Variants in USP43 observed in about 807,000 individuals in gnomAD.
USP43 encodes ubiquitin carboxyl-terminal hydrolase 43.
A neutral mutation model predicts 90.7 loss-of-function variants in USP43; 33 were observed. The observed-to-expected ratio is 0.36, with a 90% CI of 0.28 to 0.49. The LOEUF is 0.49. Ranked by LOEUF, USP43 falls within the 20% of genes least tolerant of loss-of-function variation. The pLI is 0.98. For missense variants in USP43, 1,274 were observed against 1,476.4 expected (o/e 0.86, Z 2.25); for synonymous variants, 598 against 615.8 (o/e 0.97, Z 0.43).
chr17:9,681,745 C>T (rs1301469116), intron 6 of USP43, among the ~76,000 whole-genome samples: 2 of 151,748 alleles, frequency 1.3e-5, no homozygotes, highest in African/African-American at 4.8e-5. Flanking sequence ...CCACCTGCCT[C>T]AGCCTCCGAA....
chr17:9,677,716 A>T (rs1247283588), intron 5 of USP43, among the ~76,000 whole-genome samples: 2 of 152,220 alleles, frequency 1.3e-5, no homozygotes, highest in African/African-American at 4.8e-5. Context: ...TGACATGGAA[A>T]TTGACACTTC....
At chr17:9,694,494 G>A (rs1221623998) in intron 9 of USP43, among the ~76,000 whole-genome samples, 3 of 152,166 alleles carry the variant, frequency 2.0e-5, no homozygotes, top group Admixed American at 6.5e-5. Context: ...AAGCACTTAC[G>A]AATGTTAAAG....
intron 13 of USP43, among the ~76,000 whole-genome samples, chr17:9,711,705 A>G (rs1271077286): frequency 1.3e-5 from 2 of 152,218 alleles, no homozygotes; most frequent in Non-Finnish European, 2.9e-5. Context: ...TGCTGGCATT[A>G]CAGGCGTGAG....
chr17:9,675,608 C>T (rs2151972747), intron 4 of USP43, among the ~76,000 whole-genome samples: 1 of 152,212 alleles, frequency 6.6e-6, no homozygotes, highest in South Asian at 2.1e-4. Context: ...GGTATTTCCT[C>T]TTTATGTTCC....
intron 3 of USP43, among the ~76,000 whole-genome samples, chr17:9,667,836 A>T (rs9896782): frequency 0.019 from 2,845 of 152,196 alleles, 74 homozygotes; most frequent in African/African-American, 0.056. Context: ...AATATATATA[A>T]TCATGCGTTT....
At chr17:9,694,245 G>T (rs561188252) in intron 9 of USP43, among the ~76,000 whole-genome samples, 2 of 152,182 alleles carry the variant, frequency 1.3e-5, no homozygotes, top group Admixed American at 1.3e-4. Context: ...CAGGAACCAG[G>T]GTAGCAGGTG....
At position 9,701,603 on chromosome 17, in the gene USP43, G is replaced by A. The variant is rs1915575231; in HGVS notation, c.1914G>A (p.Gln638=). 6.3e-7 allele frequency: 1 copy of A among 1,581,220 alleles called. No homozygotes were observed. The highest frequency in any genetic ancestry group is 1.3e-5 in the African/African-American group (1 of 74,350). Residue 638 remains glutamine (Q), a synonymous_variant, in exon 12 of 15, where the codon CAG becomes CAA. Coordinates refer to ENST00000285199, the MANE Select transcript of USP43 (RefSeq NM_153210.5). The surrounding 1 kb of genome is among the most constrained non-coding windows in gnomAD (Gnocchi z 7.2). ...TGGGCCCCTGGCCTTCCTGGAAGCA[G>A]CCGGACTGCCTGCCCACCAGTTACC... ...AGLGPWPSWK[Q]PDCLPTSYPL... is the part of the protein sequence containing the mutation.
chr17:9,702,503 T>C (rs1399139817), intron 12 of USP43, among the ~76,000 whole-genome samples: 2 of 152,242 alleles, frequency 1.3e-5, no homozygotes, highest in African/African-American at 4.8e-5. Flanking sequence ...GGTATCCTTT[T>C]ATTCTATGGG....
Position 9,681,462 on chromosome 17 carries a change from T to TTTTTTATATATA in USP43, c.1105+1097_1105+1098insTTTTATATATAT, listed in dbSNP as rs1491455898. On this transcript the variant is annotated intron_variant, in intron 6 of 14. Transcript: ENST00000285199. The stretch of plus-strand genomic sequence containing the variant: ...TATAGATAAATATATATAAAATATA[T>TTTTTTATATATA]TATATATATATATATATATATATAT... 3.4e-3 allele frequency among the ~76,000 whole-genome samples: 63 copies of TTTTTTATATATA among 18,572 alleles called. 1 individual carries two copies. The highest frequency in any genetic ancestry group is 0.026 in the East Asian group (7 of 274). The allele number at this position is 18,572 out of a possible 152,430, so 12.2% of individuals were successfully genotyped here. A position where few individuals can be genotyped will look rare whatever the true frequency, so the allele number is the denominator to read the frequency against.
At chr17:9,654,722 C>A (rs927527579) in intron 1 of USP43, among the ~76,000 whole-genome samples, 1 of 150,708 alleles carries the variant, frequency 6.6e-6, no homozygotes, top group Non-Finnish European at 1.5e-5. Flanking sequence ...TTGTCTCATC[C>A]TAAAATCTCC....
intron 4 of USP43, among the ~76,000 whole-genome samples, chr17:9,675,446 G>A (rs369107024): frequency 6.6e-5 from 10 of 152,304 alleles, no homozygotes; most frequent in Admixed American, 5.9e-4. Context: ...AAAGAAAAGT[G>A]GAGGTAGGGC....
intron 12 of USP43, among the ~76,000 whole-genome samples, chr17:9,703,512 G>A (rs896531196): frequency 3.9e-5 from 6 of 152,214 alleles, no homozygotes; most frequent in African/African-American, 1.2e-4. Context: ...TTCCTGGAAG[G>A]TTCCCCTTGC....
Position 9,674,922 on chromosome 17 carries a change from CAG to C in USP43, c.775_776del (p.Ser259GlnfsTer4). ...CTTGACTTGTCCCCACTGCCTGAAACAGAGCAACACCTTTGATCCTTTCCTGT... is the reference window on the plus strand; with the variant it reads ...CTTGACTTGTCCCCACTGCCTGAAACAGCAACACCTTTGATCCTTTCCTGT... The part of the protein sequence containing the change: ...SSLTCPHCLK[Q>X]SNTFDPFLCV... On this transcript the variant is annotated frameshift_variant, in exon 4 of 15. Coordinates refer to ENST00000285199, the MANE Select transcript of USP43 (RefSeq NM_153210.5). LOFTEE classifies it high-confidence loss of function. The surrounding 1 kb of genome is among the most constrained non-coding windows in gnomAD (Gnocchi z 4.4). The C allele has an allele frequency of 6.2e-7, 1 of 1,614,052 alleles. No homozygotes were observed. The highest frequency in any genetic ancestry group is 8.5e-7 in the Non-Finnish European group (1 of 1,179,906).
In USP43 at chr17:9,666,597, G is replaced by A. The variant is rs942745389; in HGVS notation, c.637-51G>A. On this transcript the variant is annotated intron_variant, in intron 2 of 14. Coordinates refer to ENST00000285199, the MANE Select transcript of USP43 (RefSeq NM_153210.5). Reference sequence around the variant, plus strand: ...TGGGCTCGGTGGTCTGGAAGCAGTTGAGTGATGAGAGGTGTATCTAATCTG... The same window carrying A: ...TGGGCTCGGTGGTCTGGAAGCAGTTAAGTGATGAGAGGTGTATCTAATCTG... 2.7e-6 allele frequency: 4 copies of A among 1,455,980 alleles called. No homozygotes were observed. The African/African-American group carries it at 5.6e-5, about 20-fold the overall frequency. The allele number at this position is 1,455,980 out of a possible 1,614,324, so 90.2% of individuals were successfully genotyped here.
At chr17:9,696,142 G>GT (rs199638692) in intron 9 of USP43, among the ~76,000 whole-genome samples, 7,092 of 150,618 alleles carry the variant, frequency 0.047, 465 homozygotes, top group African/African-American at 0.15. Context: ...GTTTTGTTTT[G>GT]TTTGTTTTTT....
Position 9,728,506 on chromosome 17 carries a change from GC to G in USP43, c.2889del (p.Ser963ArgfsTer26), listed in dbSNP as rs1567689385. 1.9e-6 allele frequency: 3 copies of G among 1,613,874 alleles called. No individual in the cohort carries two copies. In the Admixed American group the frequency reaches 5.0e-5, roughly 27 times the overall value. On this transcript the variant is annotated frameshift_variant, in exon 15 of 15. Transcript: ENST00000285199. LOFTEE classifies it low-confidence loss of function (END_TRUNC). This position sits in a 1 kb window ranked among gnomAD's most constrained non-coding sequence, Gnocchi z 6.2. ...TGGAAGGAGAGCTTCCAGATGGGAA[GC>G]AAAAGCAGCCCACCCTCCCCCTATA... ...MNWKESFQMG[S>X]KSSPPSPYMG...
intron 12 of USP43, among the ~76,000 whole-genome samples, chr17:9,705,068 A>G (rs778348581): frequency 9.9e-5 from 15 of 152,214 alleles, no homozygotes; most frequent in Non-Finnish European, 1.5e-4. Context: ...AAAGATGGAC[A>G]GTGACAAGTC....
At chr17:9,656,273 G>T in intron 1 of USP43, 130 bp from the exon 2 acceptor site, 1 of 1,224,056 alleles carries the variant, frequency 8.2e-7, no homozygotes. Flanking sequence ...TTTCTACCCC[G>T]GCTGTTTGTG....
chr17:9,646,459 G>A (rs1435318826), intron 1 of USP43, among the ~76,000 whole-genome samples: 1 of 152,170 alleles, frequency 6.6e-6, no homozygotes, highest in Non-Finnish European at 1.5e-5. Flanking sequence ...GCCAGCTCTA[G>A]AGCTTCCAGT....
Sources: allele counts gnomAD v4.1 joint callset (sites outside exome capture counted in the v4.1 genomes callset), GRCh38; gene constraint gnomAD v4.1.1; non-coding constraint Gnocchi (gnomAD v3.1); transcripts MANE v1.5; gene names NCBI Gene and HGNC (gene_info 2026-07-23, HGNC 2026-07-21).